The following DSC2 variants were observed in gnomAD, a reference collection of about 807,000 sequenced individuals.
DSC2 encodes the protein desmocollin 2.
A neutral mutation model predicts 87.6 loss-of-function variants in DSC2; 51 were observed. The ratio of observed to expected loss-of-function variants is 0.58; its 90% CI spans 0.46 to 0.74. DSC2 has a LOEUF of 0.74. DSC2 is among the 30% of genes least tolerant of loss of function. The pLI, the probability that DSC2 is intolerant of heterozygous loss-of-function variation, is 0.00. For missense variants in DSC2, 1,066 were observed against 1,089.5 expected (o/e 0.98, Z 0.30); for synonymous variants, 383 against 393.2 (o/e 0.97, Z 0.31).
In DSC2 at chr18:31,089,450, C is replaced by T. The variant is rs200634448; in HGVS notation, c.619G>A (p.Glu207Lys). 8.1e-6 allele frequency: 13 copies of T among 1,613,768 alleles called. No individual in the cohort carries two copies. In the Admixed American group the frequency reaches 2.0e-4, roughly 25 times the overall value. ...ATTTTAGACTTTACCTCAAAAGATT[C>T]ATACTGCTCACGATCTACAGGACGA... The part of the protein sequence containing the change: ...CTRPVDREQY[E>K]SFEIIAFATT... The change falls in exon 5 of 16, where the codon GAA becomes AAA. Residue 207 changes from glutamate to lysine, a missense_variant. Physicochemically the swap from Glu to Lys is moderately conservative, Grantham distance 56 (BLOSUM62 1). Transcript: ENST00000280904.
At position 31,061,687 on chromosome 18, in the gene DSC2, T is replaced by C. The variant is rs1197068097; in HGVS notation, c.*6328A>G. 1.3e-5 allele frequency: 2 copies of C among 152,218 alleles called. No homozygotes were observed. The highest frequency in any genetic ancestry group is 3.8e-4 in the East Asian group (2 of 5,196). The allele number at this position is 152,218 out of a possible 1,614,324, so 9.4% of individuals were successfully genotyped here. ...TCTTTTGTTTTACCTTAAGACTCTA[T>C]ATTGCATGTCTTATTTGAAATATCT... On this transcript the variant is annotated 3_prime_UTR_variant, in exon 16 of 16. Coordinates refer to ENST00000280904, the MANE Select transcript of DSC2 (RefSeq NM_024422.6).
intron 1 of DSC2, among the ~76,000 whole-genome samples, chr18:31,093,870 GTTA>G (rs1354141928): frequency 3.4e-4 from 51 of 150,070 alleles, no homozygotes; most frequent in African/African-American, 1.1e-3. Flanking sequence ...TGTGATTTAT[GTTA>G]TTATAAATAA....
chr18:31,078,458 G>A (rs763531768), intron 11 of DSC2, among the ~76,000 whole-genome samples: 27 of 152,064 alleles, frequency 1.8e-4, no homozygotes, highest in Admixed American at 5.9e-4. Flanking sequence ...TGCAACAGAC[G>A]AGAATGTAGA....
At chr18:31,097,740 T>C (rs16961206) in intron 1 of DSC2, among the ~76,000 whole-genome samples, 8,549 of 151,880 alleles carry the variant, frequency 0.056, 415 homozygotes, top group African/African-American at 0.099. Context: ...CAATTTGTAT[T>C]TGCATTAGAT....
At chr18:31,097,109 T>G (rs187937460) in intron 1 of DSC2, among the ~76,000 whole-genome samples, 10 of 151,424 alleles carry the variant, frequency 6.6e-5, no homozygotes, top group African/African-American at 2.4e-4. Context: ...GGTGAAACCC[T>G]GTCTCTACTA....
Position 31,070,818 on chromosome 18 carries a change from C to G in DSC2, c.2158G>C (p.Gly720Arg), listed in dbSNP as rs1170934513. 1 of 1,613,714 alleles carries G rather than the reference C, an allele frequency of 6.2e-7. No individual in the cohort carries two copies. Among genetic ancestry groups the G allele is most frequent in the Non-Finnish European group, 8.5e-7 (1 of 1,179,866 alleles). Residue 720 changes from glycine (G) to arginine (R), a missense_variant, in exon 14 of 16, where the codon GGG becomes CGG. Coordinates refer to ENST00000280904, the MANE Select transcript of DSC2 (RefSeq NM_024422.6). ...ILFTLVCGAS[G>R]TSKQPKVIPD... ...ATTACTTTTGGTTGTTTAGACGTCC[C>G]AGAAGCCCCACAGACCAGCGTAAAC...
At chr18:31,092,522 G>T (rs115000647) in intron 2 of DSC2, among the ~76,000 whole-genome samples, 8 of 152,248 alleles carry the variant, frequency 5.3e-5, no homozygotes, top group African/African-American at 1.9e-4. Context: ...AGAGACATTT[G>T]CTCTGAAGTA....
intron 6 of DSC2, 149 bp downstream of exon 6, chr18:31,087,520 A>C: frequency 1.1e-6 from 1 of 948,438 alleles, no homozygotes; most frequent in Non-Finnish European, 1.6e-6. Flanking sequence ...GCCAAGCATC[A>C]CACAGCTAGT....
intron 3 of DSC2, chr18:31,091,665 T>C (rs371274389): frequency 2.0e-5 from 9 of 456,736 alleles, no homozygotes; most frequent in Middle Eastern, 3.3e-4. Context: ...ATCTTGGGTG[T>C]CACAACACAA....
At chr18:31,092,367 A>G in intron 2 of DSC2, 67 bp from the exon 3 acceptor site, 1 of 1,440,386 alleles carries the variant, frequency 6.9e-7, no homozygotes, top group Non-Finnish European at 9.7e-7. Context: ...ACAGTAATGT[A>G]TGCACGTGGG....
rs1378670837 is a variant in DSC2 at position 31,083,045 on chromosome 18, G to T, written c.958C>A (p.Gln320Lys). 1 of 1,611,982 alleles carries T rather than the reference G, an allele frequency of 6.2e-7. No homozygotes were observed. The highest frequency in any genetic ancestry group is 8.5e-7 in the Non-Finnish European group (1 of 1,179,396). Residue 320 changes from glutamine (Q) to lysine (K), a missense_variant, in exon 8 of 16, where the codon CAG becomes AAG. By Grantham distance (53) the Gln-to-Lys change is moderately conservative (BLOSUM62 1). Transcript: ENST00000280904. ...ATGTCTTGTACTTTTATTTTCAACT[G>T]GTACTTGTCAATTAACTGAAAACAA... The part of the protein sequence containing the change: ...QLDRELIDKY[Q>K]LKIKVQDMDG...
At chr18:31,083,141 T>G in intron 7 of DSC2, 81 bp from the exon 8 acceptor site, 2 of 1,507,764 alleles carry the variant, frequency 1.3e-6, no homozygotes, top group Non-Finnish European at 1.8e-6. Flanking sequence ...TCCATAATTT[T>G]TTTGCACTAA....
intron 3 of DSC2, chr18:31,091,478 A>C (rs1248581132): frequency 2.1e-6 from 1 of 481,568 alleles, no homozygotes; most frequent in Non-Finnish European, 4.1e-6. Flanking sequence ...ATATGCAAAG[A>C]AAATAAGTGT....
At chr18:31,073,139 G>A (rs994656358) in intron 12 of DSC2, among the ~76,000 whole-genome samples, 4 of 152,100 alleles carry the variant, frequency 2.6e-5, no homozygotes, top group African/African-American at 9.6e-5. Flanking sequence ...GCTTATAAGT[G>A]ATTACTCAGA....
chr18:31,087,882 T>C, intron 5 of DSC2, 69 bp from the exon 6 acceptor site: 1 of 1,561,728 alleles, frequency 6.4e-7, no homozygotes, highest in Non-Finnish European at 8.8e-7. Flanking sequence ...TTCAAATTCA[T>C]TTTGGCTTTA....
At chr18:31,080,615 T>G (rs1246207750) in intron 9 of DSC2, among the ~76,000 whole-genome samples, 3 of 152,174 alleles carry the variant, frequency 2.0e-5, no homozygotes. Flanking sequence ...CTGCTCATGA[T>G]AGTGAGTGAG....
intron 5 of DSC2, 60 bp from the exon 6 acceptor site, chr18:31,087,873 T>A: frequency 6.3e-7 from 1 of 1,575,386 alleles, no homozygotes; most frequent in Non-Finnish European, 8.7e-7. Context: ...GAGGTATGCT[T>A]CAAATTCATT....
Position 31,059,061 on chromosome 18 carries a change from C to A in DSC2, c.*8954G>T, listed in dbSNP as rs1237576868. ...GTTACACAGATGGTTTGTGGTAGAG[C>A]CCAGATCTGAACCTTGCCTGTTGGG... On this transcript the variant is annotated 3_prime_UTR_variant, in exon 16 of 16. Coordinates refer to ENST00000280904, the MANE Select transcript of DSC2 (RefSeq NM_024422.6). The A allele has an allele frequency of 6.6e-6, 1 of 152,086 alleles. No individual in the cohort carries two copies. Among genetic ancestry groups the A allele is most frequent in the Non-Finnish European group, 1.5e-5 (1 of 68,018 alleles). 9.4% of individuals were successfully genotyped at this position (152,086 alleles called of 1,614,324 possible).
chr18:31,082,238 C>A lies in DSC2; in HGVS notation c.1263G>T (p.Lys421Asn). Residue 421 changes from lysine to asparagine, a missense_variant and splice_region_variant, in exon 9 of 16, where the codon AAG becomes AAT. Transcript: ENST00000280904. The part of the protein sequence containing the change: ...KTNEGVLCVV[K>N]PLNYEEKQQM... ...AAATAATGTTCTAATTTATTCTTAC[C>A]TTAACTACACAAAGAACTCCTTCAT... 1 of 1,611,972 alleles carries A rather than the reference C, an allele frequency of 6.2e-7. No homozygotes were observed. The highest frequency in any genetic ancestry group is 8.5e-7 in the Non-Finnish European group (1 of 1,178,940).
Sources: allele counts gnomAD v4.1 joint callset (sites outside exome capture counted in the v4.1 genomes callset), GRCh38; gene constraint gnomAD v4.1.1; transcripts MANE v1.5; gene names NCBI Gene and HGNC (gene_info 2026-07-23, HGNC 2026-07-21).